RNF169: variants seen among roughly 807,000 people sequenced by gnomAD.
RNF169 encodes the protein ring finger protein 169.
RNF169 carries 24 observed loss-of-function variants against 53.9 expected under a neutral mutation model. That is an observed-to-expected ratio of 0.45 (90% CI 0.32 to 0.63). The LOEUF (loss-of-function observed/expected upper bound fraction) is 0.63. Among genes scored for constraint, RNF169 ranks in the 20% least tolerant of loss-of-function variants. RNF169 has a pLI of 0.04. For missense variants in RNF169, 883 were observed against 906.2 expected (o/e 0.97, Z 0.33); for synonymous variants, 396 against 363.5 (o/e 1.09, Z -1.02).
chr11:74,770,263 G>C (rs1007889341), intron 1 of RNF169, among the ~76,000 whole-genome samples: 1 of 152,244 alleles, frequency 6.6e-6, no homozygotes, highest in African/African-American at 2.4e-5. Context: ...GAGTCTAAGC[G>C]ATAGCCATCG....
chr11:74,805,936 G>A (rs954445151), intron 2 of RNF169, among the ~76,000 whole-genome samples: 1 of 151,920 alleles, frequency 6.6e-6, no homozygotes, highest in South Asian at 2.1e-4. Context: ...CGGGGTCCTG[G>A]AACCAATCCC....
At chr11:74,774,720 C>T (rs1015758800) in intron 1 of RNF169, among the ~76,000 whole-genome samples, 7 of 151,964 alleles carry the variant, frequency 4.6e-5, no homozygotes, top group South Asian at 2.1e-4. Context: ...TTTGGGATGC[C>T]GAGGTGGGCG....
chr11:74,838,561 T>G lies in RNF169; in HGVS notation c.*1831T>G, dbSNP rs1268473217. ...ATCATTGAGATAGGTGGAATCTCTT[T>G]GGTGACTACGTTGGTGGGGAACATC... On this transcript the variant is annotated 3_prime_UTR_variant, in exon 6 of 6. Coordinates refer to ENST00000299563, the MANE Select transcript of RNF169 (RefSeq NM_001098638.2). 1 of 152,266 alleles carries G rather than the reference T, an allele frequency of 6.6e-6. No homozygotes were observed. The highest frequency in any genetic ancestry group is 1.9e-4 in the East Asian group (1 of 5,200). The allele number at this position is 152,266 out of a possible 1,614,324, so 9.4% of individuals were successfully genotyped here. A position where few individuals can be genotyped will look rare whatever the true frequency, so the allele number is the denominator to read the frequency against.
rs2036325103 is a variant in RNF169, at chr11:74,839,927, G to A, written c.*3197G>A. The A allele has an allele frequency of 6.6e-6, 1 of 151,972 alleles. No individual in the cohort carries two copies. Among genetic ancestry groups the A allele is most frequent in the African/African-American group, 2.4e-5 (1 of 41,354 alleles). 9.4% of individuals were successfully genotyped at this position (151,972 alleles called of 1,614,324 possible). On this transcript the variant is annotated 3_prime_UTR_variant, in exon 6 of 6. Coordinates refer to ENST00000299563, the MANE Select transcript of RNF169 (RefSeq NM_001098638.2). Reference sequence around the variant, plus strand: ...AGGCTTGCCAGGGAAACTCCTAAGTGGCTTCACTTATTTTTTAAATTTTAA... The same window carrying A: ...AGGCTTGCCAGGGAAACTCCTAAGTAGCTTCACTTATTTTTTAAATTTTAA...
chr11:74,764,509 C>T (rs979447158), intron 1 of RNF169, among the ~76,000 whole-genome samples: 1 of 152,096 alleles, frequency 6.6e-6, no homozygotes, highest in African/African-American at 2.4e-5. Context: ...ATGAGCAAAA[C>T]TCCATCTCAA....
At chr11:74,764,709 C>T (rs1223353456) in intron 1 of RNF169, among the ~76,000 whole-genome samples, 1 of 152,040 alleles carries the variant, frequency 6.6e-6, no homozygotes, top group Non-Finnish European at 1.5e-5. Context: ...TAGACTAAGC[C>T]AGTGTTGACT....
intron 4 of RNF169, chr11:74,832,393 A>G (rs2135150291): frequency 6.6e-6 from 1 of 151,476 alleles, no homozygotes; most frequent in South Asian, 2.1e-4. Flanking sequence ...GCATGTGAAG[A>G]TGTTCTCCCC....
intron 1 of RNF169, among the ~76,000 whole-genome samples, chr11:74,787,809 G>A (rs189224010): frequency 4.6e-5 from 7 of 152,202 alleles, no homozygotes; most frequent in Admixed American, 3.3e-4. Flanking sequence ...TATCCTATGG[G>A]TACATCTGCA....
At chr11:74,761,331 T>C (rs2035078364) in intron 1 of RNF169, among the ~76,000 whole-genome samples, 1 of 146,954 alleles carries the variant, frequency 6.8e-6, no homozygotes, top group South Asian at 2.3e-4. Context: ...AATATTGTTA[T>C]GTGTGAATTT....
intron 2 of RNF169, among the ~76,000 whole-genome samples, chr11:74,806,799 T>G (rs1476261727): frequency 6.6e-6 from 1 of 152,040 alleles, no homozygotes; most frequent in African/African-American, 2.4e-5. Context: ...CACTCACTTT[T>G]GGGTGAGGGG....
At chr11:74,791,707 C>T (rs139399379) in intron 2 of RNF169, among the ~76,000 whole-genome samples, 38 of 152,312 alleles carry the variant, frequency 2.5e-4, no homozygotes, top group Admixed American at 1.4e-3. Flanking sequence ...CAGGCACTTC[C>T]GAGCCTGTGA....
chr11:74,754,861 A>G (rs1238028194), intron 1 of RNF169, among the ~76,000 whole-genome samples: 1 of 152,150 alleles, frequency 6.6e-6, no homozygotes, highest in Non-Finnish European at 1.5e-5. Flanking sequence ...TAGATAAACA[A>G]TTGAATAGTG....
rs2135156782 is a variant in RNF169, at chr11:74,836,792, G to A, written c.*62G>A. The A allele has an allele frequency of 1.5e-6, 2 of 1,291,268 alleles. No individual in the cohort carries two copies. The highest frequency in any genetic ancestry group is 2.8e-5 in the South Asian group (2 of 71,620). 80.0% of individuals were successfully genotyped at this position (1,291,268 alleles called of 1,614,324 possible). ...AGGCCTTGATCATTTATCCTGAAGA[G>A]CTGAGTGTTCTCACTTTGGTTTTAT... On this transcript the variant is annotated 3_prime_UTR_variant, in exon 6 of 6. Transcript: ENST00000299563.
intron 2 of RNF169, among the ~76,000 whole-genome samples, chr11:74,799,271 A>G (rs532809975): frequency 1.2e-4 from 18 of 152,226 alleles, no homozygotes; most frequent in Admixed American, 5.9e-4. Flanking sequence ...GGAGAAGGAA[A>G]AATTCTCAAT....
intron 1 of RNF169, among the ~76,000 whole-genome samples, chr11:74,781,465 T>A (rs2035415491): frequency 6.6e-6 from 1 of 152,220 alleles, no homozygotes; most frequent in African/African-American, 2.4e-5. Context: ...CATCATCTAA[T>A]TAGTTAATCA....
chr11:74,833,819 C>T (rs1443532004), intron 4 of RNF169, among the ~76,000 whole-genome samples: 1 of 152,114 alleles, frequency 6.6e-6, no homozygotes, highest in Non-Finnish European at 1.5e-5. Context: ...GTCATCTGCA[C>T]ATAATTCTAA....
At chr11:74,762,709 C>G (rs1484967830) in intron 1 of RNF169, among the ~76,000 whole-genome samples, 4 of 152,124 alleles carry the variant, frequency 2.6e-5, no homozygotes, top group African/African-American at 7.2e-5. Flanking sequence ...AATGGAACTA[C>G]AAACCAAAAC....
intron 2 of RNF169, among the ~76,000 whole-genome samples, chr11:74,795,480 A>G (rs1198393021): frequency 6.6e-6 from 1 of 152,136 alleles, no homozygotes; most frequent in Non-Finnish European, 1.5e-5. Flanking sequence ...CGTTTCCCCC[A>G]GTTTTAAAGG....
intron 3 of RNF169, among the ~76,000 whole-genome samples, chr11:74,811,200 C>T (rs1247564136): frequency 2.0e-5 from 3 of 151,848 alleles, no homozygotes; most frequent in East Asian, 1.9e-4. Context: ...ACTGTTTGTA[C>T]ACTTCGGCCA....
Sources: gnomAD v4.1 joint callset for allele counts (sites outside exome capture counted in the v4.1 genomes callset) on GRCh38, gnomAD v4.1.1 for gene constraint, MANE v1.5 for transcripts, NCBI Gene and HGNC (gene_info 2026-07-23, HGNC 2026-07-21) for gene names.